The following DAB2IP variants were observed in gnomAD, a reference collection of about 807,000 sequenced individuals.
DAB2IP encodes the protein disabled homolog 2-interacting protein.
DAB2IP carries 28 observed loss-of-function variants against 107.2 expected under a neutral mutation model. The ratio of observed to expected loss-of-function variants is 0.26; its 90% CI spans 0.19 to 0.36. The LOEUF (loss-of-function observed/expected upper bound fraction) is 0.36, where lower values mean the gene tolerates loss of function less well. DAB2IP is among the 10% of genes least tolerant of loss of function. The pLI, the probability that DAB2IP is intolerant of heterozygous loss-of-function variation, is 1.00. For synonymous variants in DAB2IP, 755 were observed against 706.4 expected, an observed-to-expected ratio of 1.07 and a Z score of -1.09; for missense variants, 1,400 against 1,644.7, an observed-to-expected ratio of 0.85 and a Z score of 2.57.
Position 121,701,640 on chromosome 9 carries a change from T to C in DAB2IP, c.362+2182T>C, listed in dbSNP as rs1829789208. On this transcript the variant is annotated intron_variant, in intron 3 of 15. Transcript: ENST00000408936. This position sits in a 1 kb window ranked among gnomAD's most constrained non-coding sequence, Gnocchi z 4.7. ...CCAGGACTGGGGTCTCCTGATTTGC[T>C]GCTTTGCTTAGGAACAGATTCGTCG... Among the ~76,000 whole-genome samples, 1 of 152,210 alleles carries C rather than the reference T, an allele frequency of 6.6e-6. No homozygotes were observed. The highest frequency in any genetic ancestry group is 2.4e-5 in the African/African-American group (1 of 41,450).
At chr9:121,740,381 C>G (rs555321240) in intron 3 of DAB2IP, among the ~76,000 whole-genome samples, 2 of 152,154 alleles carry the variant, frequency 1.3e-5, no homozygotes, top group Non-Finnish European at 2.9e-5. Flanking sequence ...TGTGTTCCCC[C>G]CGTCAGCCCC....
chr9:121,585,052 G>A (rs1056720770), intron 1 of DAB2IP, among the ~76,000 whole-genome samples: 2 of 152,122 alleles, frequency 1.3e-5, no homozygotes, highest in African/African-American at 2.4e-5. Context: ...CTACAGGCGC[G>A]TGCCACTGTG....
upstream of DAB2IP, chr9:121,651,574 G>A (rs1832738454): frequency 1.1e-6 from 1 of 876,204 alleles, no homozygotes; most frequent in Admixed American, 5.7e-5. The surrounding 1 kb of genome is among the most constrained non-coding windows in gnomAD (Gnocchi z 5.1). Flanking sequence ...CCCAGCCCCC[G>A]CCGCGGGGCC....
In DAB2IP at chr9:121,736,429, C is replaced by T. The variant is rs973962462; in HGVS notation, c.363-20584C>T. ...GGGCCTGCGCGTCCCGCCCGCCCGG[C>T]GTGCCGAAGCGCAGCGGCGGGTCGC... On this transcript the variant is annotated intron_variant, in intron 3 of 15. Transcript: ENST00000408936. The surrounding 1 kb of genome is among the most constrained non-coding windows in gnomAD (Gnocchi z 4.6). Among the ~76,000 whole-genome samples the T allele has an allele frequency of 6.6e-6, 1 of 152,174 alleles. No individual in the cohort carries two copies. The highest frequency in any genetic ancestry group is 2.4e-5 in the African/African-American group (1 of 41,436).
intron 4 of DAB2IP, among the ~76,000 whole-genome samples, chr9:121,758,347 C>T (rs80338247): frequency 2.0e-5 from 3 of 152,072 alleles, no homozygotes; most frequent in African/African-American, 4.8e-5. Flanking sequence ...CCAGACAGTC[C>T]GAGTCTCATT....
chr9:121,704,275 C>T, intron 3 of DAB2IP, among the ~76,000 whole-genome samples: 1 of 152,180 alleles, frequency 6.6e-6, no homozygotes, highest in East Asian at 1.9e-4. Flanking sequence ...ATAATTCATA[C>T]CCCTCCCCAG....
At chr9:121,735,392 C>G (rs1329845792) in intron 3 of DAB2IP, among the ~76,000 whole-genome samples, 1 of 152,168 alleles carries the variant, frequency 6.6e-6, no homozygotes, top group Non-Finnish European at 1.5e-5. Context: ...CTGCAATAAC[C>G]CCAGACAGTA....
intron 3 of DAB2IP, among the ~76,000 whole-genome samples, chr9:121,738,936 C>T (rs1832123620): frequency 6.6e-6 from 1 of 152,206 alleles, no homozygotes; most frequent in African/African-American, 2.4e-5. Flanking sequence ...AGCAGAGAAA[C>T]AAAGTGATTC....
intron 8 of DAB2IP, among the ~76,000 whole-genome samples, chr9:121,764,842 C>T (rs909595890): frequency 2.6e-5 from 4 of 152,340 alleles, no homozygotes; most frequent in South Asian, 4.1e-4. Context: ...TACCCTCTGT[C>T]GCAGCCCTGA....
chr9:121,738,259 G>C (rs570395944), intron 3 of DAB2IP, among the ~76,000 whole-genome samples: 2 of 152,180 alleles, frequency 1.3e-5, no homozygotes, highest in Non-Finnish European at 2.9e-5. Context: ...ACAGGTGAGG[G>C]GGAAACTGCC....
chr9:121,768,334 C>A lies in DAB2IP; in HGVS notation c.1698-98C>A, dbSNP rs1473585994. 4.6e-6 allele frequency: 6 copies of A among 1,301,900 alleles called. No individual in the cohort carries two copies. In the African/African-American group the frequency reaches 8.7e-5, roughly 19 times the overall value. The allele number at this position is 1,301,900 out of a possible 1,614,324, so 80.6% of individuals were successfully genotyped here. A position where few individuals can be genotyped will look rare whatever the true frequency, so the allele number is the denominator to read the frequency against. ...GGGAGTGAATGGAGTGGGAGCCTGCCATAGTGGGGAAAGCGGGTGGTGGTG... is the reference window on the plus strand; with the variant it reads ...GGGAGTGAATGGAGTGGGAGCCTGCAATAGTGGGGAAAGCGGGTGGTGGTG... On this transcript the variant is annotated intron_variant, in intron 9 of 15. Coordinates refer to ENST00000408936, the Ensembl canonical transcript of DAB2IP.
intron 1 of DAB2IP, among the ~76,000 whole-genome samples, chr9:121,592,578 C>T (rs1360245209): frequency 6.6e-6 from 1 of 152,192 alleles, no homozygotes; most frequent in Non-Finnish European, 1.5e-5. Flanking sequence ...TTGTTCTTTT[C>T]CAGTGACCAT....
intron 3 of DAB2IP, among the ~76,000 whole-genome samples, chr9:121,720,863 G>A (rs1464048098): frequency 1.3e-5 from 2 of 152,178 alleles, no homozygotes; most frequent in South Asian, 2.1e-4. Context: ...GGGTAAGTCA[G>A]AGGCAGGAGA....
intron 4 of DAB2IP, among the ~76,000 whole-genome samples, chr9:121,757,725 C>T (rs1833592689): frequency 6.6e-6 from 1 of 150,908 alleles, no homozygotes. Flanking sequence ...GGTCACACAG[C>T]AAGGCTGAGA....
chr9:121,676,392 G>A (rs1465145889), intron 1 of DAB2IP, among the ~76,000 whole-genome samples: 4 of 152,182 alleles, frequency 2.6e-5, no homozygotes, highest in Non-Finnish European at 2.9e-5. Flanking sequence ...GTGGGTCTGG[G>A]AGTGTACACA....
intron 3 of DAB2IP, among the ~76,000 whole-genome samples, chr9:121,747,500 A>G (rs1464930153): frequency 6.6e-6 from 1 of 152,090 alleles, no homozygotes; most frequent in Non-Finnish European, 1.5e-5. Context: ...GGCGCCCGCC[A>G]TCACGCCCAG....
chr9:121,718,170 C>T (rs1165729386), intron 3 of DAB2IP, among the ~76,000 whole-genome samples: 2 of 152,178 alleles, frequency 1.3e-5, no homozygotes, highest in South Asian at 2.1e-4. Flanking sequence ...AACAGCTCTG[C>T]GCCAGCCTGT....
chr9:121,744,443 C>T (rs1011870031), intron 3 of DAB2IP, among the ~76,000 whole-genome samples: 1 of 152,218 alleles, frequency 6.6e-6, no homozygotes, highest in African/African-American at 2.4e-5. Flanking sequence ...CTTGTTACAG[C>T]CAAGTCTCAG....
At chr9:121,735,808 G>A (rs751770169) in intron 3 of DAB2IP, among the ~76,000 whole-genome samples, 4 of 152,222 alleles carry the variant, frequency 2.6e-5, no homozygotes, top group Non-Finnish European at 5.9e-5. Context: ...ATACCTGGTT[G>A]GCTGGGTGTG....
Sources: gnomAD v4.1 joint callset for allele counts (sites outside exome capture counted in the v4.1 genomes callset) on GRCh38, gnomAD v4.1.1 for gene constraint, Gnocchi (gnomAD v3.1) non-coding constraint, MANE v1.5 for transcripts, NCBI Gene and HGNC (gene_info 2026-07-23, HGNC 2026-07-21) for gene names.